Variants in DENND2A observed in about 807,000 individuals in gnomAD.
DENND2A encodes DENN domain-containing protein 2A.
DENND2A carries 53 observed loss-of-function variants against 105.3 expected under a neutral mutation model. The ratio of observed to expected loss-of-function variants is 0.50; its 90% CI spans 0.40 to 0.63. The LOEUF (loss-of-function observed/expected upper bound fraction) is 0.63. DENND2A is among the 30% of genes least tolerant of loss of function. The probability of loss-of-function intolerance (pLI) is 0.00; values close to 1 mark genes in which losing one functional copy is unlikely to be tolerated. For synonymous variants in DENND2A, 522 were observed against 508.4 expected (o/e 1.03, Z -0.36); for missense variants, 1,138 against 1,279.6 (o/e 0.89, Z 1.69).
chr7:140,580,617 G>C (rs1206160903), intron 5 of DENND2A, among the ~76,000 whole-genome samples: 1 of 152,042 alleles, frequency 6.6e-6, no homozygotes, highest in African/African-American at 2.4e-5. Context: ...ACTGCACCCA[G>C]CCTGTTATTT....
At chr7:140,596,397 G>T (rs573897619) in intron 3 of DENND2A, among the ~76,000 whole-genome samples, 1 of 152,184 alleles carries the variant, frequency 6.6e-6, no homozygotes, top group East Asian at 1.9e-4. Context: ...TGGTAATTCC[G>T]AGTTGTCTCA....
chr7:140,597,396 T>C (rs989513335), intron 3 of DENND2A, among the ~76,000 whole-genome samples: 1 of 152,240 alleles, frequency 6.6e-6, no homozygotes, highest in Non-Finnish European at 1.5e-5. Flanking sequence ...CAGTCCTTTT[T>C]GTTTTTAAGA....
chr7:140,534,764 A>C (rs1316966169), intron 14 of DENND2A, among the ~76,000 whole-genome samples: 2 of 152,152 alleles, frequency 1.3e-5, no homozygotes, highest in African/African-American at 2.4e-5. Flanking sequence ...ATAGAAAGAG[A>C]GTCCTCACTC....
intron 5 of DENND2A, among the ~76,000 whole-genome samples, chr7:140,581,930 G>T (rs1798562743): frequency 6.6e-6 from 1 of 151,940 alleles, no homozygotes; most frequent in Admixed American, 6.6e-5. Context: ...TATCAGGGAG[G>T]AGCGTTCTGC....
chr7:140,576,436 G>A (rs1335566046), intron 5 of DENND2A, among the ~76,000 whole-genome samples: 4 of 150,914 alleles, frequency 2.7e-5, no homozygotes, highest in Non-Finnish European at 5.9e-5. Flanking sequence ...AATTTATTTT[G>A]TGATATGTTC....
At position 140,548,621 on chromosome 7, in the gene DENND2A, A is replaced by T. The variant is rs1459025079; in HGVS notation, c.2038-1682T>A. On this transcript the variant is annotated intron_variant, in intron 12 of 19. Coordinates refer to ENST00000496613, the MANE Select transcript of DENND2A (RefSeq NM_015689.5). ...CAGAGGTTTTTTTACTTTATTTTTT[A>T]TTTTTTTTTGAGACAGAGTTTCGCT... is the stretch of plus-strand genomic sequence containing the variant. Among the ~76,000 whole-genome samples the T allele has an allele frequency of 8.7e-5, 13 of 150,150 alleles. No individual in the cohort carries two copies. The South Asian group carries it at 1.1e-3, about 12-fold the overall frequency.
At chr7:140,617,344 G>A (rs7787030) in intron 1 of DENND2A, among the ~76,000 whole-genome samples, 18,773 of 152,210 alleles carry the variant, frequency 0.12, 3,223 homozygotes, top group African/African-American at 0.39. Context: ...TACTCTAAAG[G>A]AGGCCTCAGG....
chr7:140,544,860 T>C (rs1796830806), intron 13 of DENND2A, 94 bp from the exon 14 acceptor site: 1 of 1,521,098 alleles, frequency 6.6e-7, no homozygotes, highest in African/African-American at 1.4e-5. Context: ...GAGGTCCTCA[T>C]CAGGGGTGAC....
intron 12 of DENND2A, among the ~76,000 whole-genome samples, chr7:140,551,299 CAAAAAAAAAAAAA>C (rs529992901): frequency 1.4e-5 from 1 of 71,742 alleles, no homozygotes; most frequent in African/African-American, 5.2e-5. Context: ...GACTCCATCT[CAAAAAAAAAAAAA>C]AAAAAAAAAA....
chr7:140,585,894 C>T (rs1010569313), intron 4 of DENND2A, among the ~76,000 whole-genome samples, 184 bp from the exon 5 acceptor site: 1 of 152,162 alleles, frequency 6.6e-6, no homozygotes, highest in Non-Finnish European at 1.5e-5. Flanking sequence ...CTCTCCATCT[C>T]CTCATTTGTG....
chr7:140,608,863 A>T (rs1333283956), intron 1 of DENND2A, among the ~76,000 whole-genome samples: 1 of 152,138 alleles, frequency 6.6e-6, no homozygotes, highest in Non-Finnish European at 1.5e-5. Flanking sequence ...GGACCCTGTC[A>T]GACATGCAGA....
intron 3 of DENND2A, among the ~76,000 whole-genome samples, chr7:140,599,943 G>A (rs754409659): frequency 1.6e-4 from 24 of 152,128 alleles, no homozygotes; most frequent in Admixed American, 4.6e-4. Context: ...TCTACGGATG[G>A]GAAGTGAATC....
chr7:140,600,435 C>T (rs1799442641), intron 3 of DENND2A, among the ~76,000 whole-genome samples: 1 of 151,802 alleles, frequency 6.6e-6, no homozygotes, highest in African/African-American at 2.4e-5. Flanking sequence ...TGTGCTCTGA[C>T]AGATAGAAGG....
In DENND2A at chr7:140,587,971, C is replaced by T. The variant is rs112391231; in HGVS notation, c.996-191G>A. On this transcript the variant is annotated intron_variant, in intron 3 of 19. Coordinates refer to ENST00000496613, the MANE Select transcript of DENND2A (RefSeq NM_015689.5). Reference sequence around the variant, plus strand: ...CGTTGCCCAGGCTGGAGGGCAGCGGCGCCATCTTGGCTCACTGCAACCTGC... The same window carrying T: ...CGTTGCCCAGGCTGGAGGGCAGCGGTGCCATCTTGGCTCACTGCAACCTGC... Among the ~76,000 whole-genome samples, 112 of 152,278 alleles carry T rather than the reference C, an allele frequency of 7.4e-4. 3 individuals are homozygous for T. The highest frequency in any genetic ancestry group is 3.1e-3 in the East Asian group (16 of 5,184).
rs568143835 is a variant in DENND2A, at chr7:140,553,407, G to A, written c.2037+2229C>T. On this transcript the variant is annotated intron_variant, in intron 12 of 19. Coordinates refer to ENST00000496613, the MANE Select transcript of DENND2A (RefSeq NM_015689.5). ...CTCAGTAGATCGAACGTACAATCGG[G>A]TTTTATACCGAGACATTCCATTGCG... 8.5e-5 allele frequency among the ~76,000 whole-genome samples: 13 copies of A among 152,346 alleles called. No homozygotes were observed. The East Asian group carries it at 1.9e-3, about 23-fold the overall frequency.
intron 12 of DENND2A, among the ~76,000 whole-genome samples, chr7:140,551,748 G>A (rs527880848): frequency 3.2e-4 from 48 of 152,226 alleles, no homozygotes; most frequent in African/African-American, 1.0e-3. Flanking sequence ...TCTTCTCCAT[G>A]ACTCCTTTCT....
intron 9 of DENND2A, among the ~76,000 whole-genome samples, chr7:140,562,620 C>T (rs1401745953): frequency 6.6e-6 from 1 of 151,952 alleles, no homozygotes; most frequent in Admixed American, 6.6e-5. Flanking sequence ...GGAGATCATG[C>T]CGCAGCACTC....
At chr7:140,612,842 C>T (rs2130706554) in intron 1 of DENND2A, among the ~76,000 whole-genome samples, 1 of 151,972 alleles carries the variant, frequency 6.6e-6, no homozygotes, top group East Asian at 2.0e-4. Flanking sequence ...GGGCCGGGCG[C>T]AGTGGCTCAC....
At chr7:140,592,885 G>A (rs900122212) in intron 3 of DENND2A, among the ~76,000 whole-genome samples, 3 of 152,080 alleles carry the variant, frequency 2.0e-5, no homozygotes, top group Admixed American at 6.5e-5. Flanking sequence ...TTACAGGTGT[G>A]AGCCACCATG....
Sources: allele counts gnomAD v4.1 joint callset (sites outside exome capture counted in the v4.1 genomes callset), GRCh38; gene constraint gnomAD v4.1.1; transcripts MANE v1.5; gene names NCBI Gene and HGNC (gene_info 2026-07-23, HGNC 2026-07-21).